The following CHRM3 variants were observed in gnomAD, a reference collection of about 807,000 sequenced individuals.
CHRM3 encodes the protein cholinergic receptor muscarinic 3, also known as muscarinic acetylcholine receptor M3.
In CHRM3, 11 loss-of-function variants were observed where a neutral mutation model predicts 41.8. That is an observed-to-expected ratio of 0.26 (90% CI 0.17 to 0.44). The LOEUF (loss-of-function observed/expected upper bound fraction) is 0.44, where lower values mean the gene tolerates loss of function less well. Ranked by LOEUF, CHRM3 falls within the 20% of genes least tolerant of loss-of-function variation. CHRM3 has a pLI of 1.00. For synonymous variants in CHRM3, 297 were observed against 301.4 expected (o/e 0.99, Z 0.15); for missense variants, 571 against 745.4 (o/e 0.77, Z 2.72).
At chr1:239,409,748 C>T (rs1660921861) in intron 1 of CHRM3, among the ~76,000 whole-genome samples, 2 of 152,158 alleles carry the variant, frequency 1.3e-5, no homozygotes, top group Non-Finnish European at 2.9e-5. Context: ...CGAGACCTTC[C>T]TGGCTAACAT....
intron 5 of CHRM3, among the ~76,000 whole-genome samples, chr1:239,817,749 T>C (rs985499897): frequency 9.9e-5 from 15 of 151,968 alleles, no homozygotes; most frequent in African/African-American, 3.4e-4. Flanking sequence ...TAGAAAGAAA[T>C]CTTCCTTGGC....
At chr1:239,755,763 T>C (rs1666190611) in intron 5 of CHRM3, among the ~76,000 whole-genome samples, 1 of 152,138 alleles carries the variant, frequency 6.6e-6, no homozygotes, top group Non-Finnish European at 1.5e-5. Flanking sequence ...ATAACCATAC[T>C]GGAGCAAGCC....
At chr1:239,744,650 G>A (rs1381145847) in intron 5 of CHRM3, among the ~76,000 whole-genome samples, 1 of 152,136 alleles carries the variant, frequency 6.6e-6, no homozygotes, top group African/African-American at 2.4e-5. Context: ...AGGTTGGGAG[G>A]GAAAGGTATA....
intron 4 of CHRM3, among the ~76,000 whole-genome samples, chr1:239,651,752 A>C (rs1672255912): frequency 6.6e-6 from 1 of 152,162 alleles, no homozygotes; most frequent in Non-Finnish European, 1.5e-5. Flanking sequence ...TAAAAAGAAA[A>C]AGAGACAAGT....
chr1:239,653,540 AGGT>A lies in CHRM3; in HGVS notation c.-250+21258_-250+21260del, dbSNP rs528962155. Among the ~76,000 whole-genome samples the A allele has an allele frequency of 2.2e-3, 328 of 152,298 alleles. 1 individual carries two copies. Among genetic ancestry groups the A allele is most frequent in the African/African-American group, 7.5e-3 (313 of 41,570 alleles). On this transcript the variant is annotated intron_variant, in intron 4 of 6. Transcript: ENST00000676153. ...CTGGTTGCAGATGGGAAGGAGGGGA[AGGT>A]GGTCGTCTCTTCAGATACAGAAGCC...
At chr1:239,755,932 A>G (rs958903204) in intron 5 of CHRM3, among the ~76,000 whole-genome samples, 2 of 152,246 alleles carry the variant, frequency 1.3e-5, no homozygotes, top group African/African-American at 4.8e-5. Context: ...CAAAGAAAAA[A>G]ATCACTTTTT....
intron 3 of CHRM3, among the ~76,000 whole-genome samples, chr1:239,630,363 A>C (rs1444512333): frequency 6.6e-6 from 1 of 152,164 alleles, no homozygotes; most frequent in Non-Finnish European, 1.5e-5. Context: ...TTAATGATAA[A>C]ATCTACTGTA....
intron 2 of CHRM3, among the ~76,000 whole-genome samples, chr1:239,510,186 A>T (rs886864167): frequency 1.3e-5 from 2 of 152,232 alleles, no homozygotes; most frequent in African/African-American, 2.4e-5. Context: ...GACATTTAAG[A>T]TTGATTCTCC....
chr1:239,404,757 T>TATAC, intron 1 of CHRM3, among the ~76,000 whole-genome samples: 1 of 131,038 alleles, frequency 7.6e-6, no homozygotes, highest in South Asian at 2.5e-4. Flanking sequence ...TATATATATA[T>TATAC]GGAAAATATG....
intron 5 of CHRM3, among the ~76,000 whole-genome samples, chr1:239,767,859 A>ATG (rs1378443188): frequency 6.6e-6 from 1 of 151,886 alleles, no homozygotes; most frequent in African/African-American, 2.4e-5. Context: ...TTCTGCAGTG[A>ATG]TGTGTGTGTG....
intron 1 of CHRM3, among the ~76,000 whole-genome samples, chr1:239,429,876 C>T: frequency 6.8e-6 from 1 of 148,024 alleles, no homozygotes. Flanking sequence ...CGTCTTTATG[C>T]TTGTTAAATT....
chr1:239,554,988 A>G (rs1280697741), intron 3 of CHRM3, among the ~76,000 whole-genome samples: 1 of 152,132 alleles, frequency 6.6e-6, no homozygotes, highest in Non-Finnish European at 1.5e-5. Flanking sequence ...TTGGCCTCCC[A>G]AGGTGCTGGG....
rs1002620197 is a variant in CHRM3 at position 239,466,210 on chromosome 1, G to T, written c.-520-26499G>T. ...AGGTTTCACCATGTTGGCCAGGGTG[G>T]CCTTGAACTCCTGACCTCAGGTGAT... On this transcript the variant is annotated intron_variant, in intron 1 of 6. Coordinates refer to ENST00000676153, the MANE Select transcript of CHRM3 (RefSeq NM_001375978.1). 3.9e-5 allele frequency among the ~76,000 whole-genome samples: 6 copies of T among 152,224 alleles called. No individual in the cohort carries two copies. The East Asian group carries it at 1.2e-3, about 30-fold the overall frequency.
chr1:239,404,410 A>AAGAAAGAAAGAAAGAAAGAAAGAGAGAG (rs1210507333), intron 1 of CHRM3, among the ~76,000 whole-genome samples: 1 of 51,754 alleles, frequency 1.9e-5, no homozygotes, highest in Non-Finnish European at 4.1e-5. Context: ...GAAAGAAAGA[A>AAGAAAGAAAGAAAGAAAGAAAGAGAGAG]AAAGAAAGAA....
intron 4 of CHRM3, among the ~76,000 whole-genome samples, chr1:239,647,402 C>A (rs1671833503): frequency 6.6e-6 from 1 of 152,090 alleles, no homozygotes; most frequent in Non-Finnish European, 1.5e-5. Flanking sequence ...TTCGAAGGAA[C>A]CTCTCTTTTC....
intron 1 of CHRM3, among the ~76,000 whole-genome samples, chr1:239,440,368 A>G (rs959305284): frequency 6.6e-6 from 1 of 152,192 alleles, no homozygotes; most frequent in Non-Finnish European, 1.5e-5. Context: ...CATGCCTATA[A>G]TCCCAGCCCT....
chr1:239,561,233 G>A (rs1029017199), intron 3 of CHRM3, among the ~76,000 whole-genome samples: 1 of 152,180 alleles, frequency 6.6e-6, no homozygotes, highest in Admixed American at 6.5e-5. Context: ...TGACATTAAC[G>A]TAACATAACA....
chr1:239,706,031 T>C (rs951724204), intron 5 of CHRM3, among the ~76,000 whole-genome samples: 7 of 150,270 alleles, frequency 4.7e-5, no homozygotes, highest in South Asian at 2.1e-4. Context: ...TTATCATTTA[T>C]TTAGATTATT....
At chr1:239,729,972 A>G (rs1331012235) in intron 5 of CHRM3, among the ~76,000 whole-genome samples, 10 of 151,958 alleles carry the variant, frequency 6.6e-5, no homozygotes, top group Non-Finnish European at 2.9e-5. Flanking sequence ...AATTTTCTTC[A>G]TTTGTATCAA....
Sources: gnomAD v4.1 joint callset for allele counts (sites outside exome capture counted in the v4.1 genomes callset) on GRCh38, gnomAD v4.1.1 for gene constraint, MANE v1.5 for transcripts, NCBI Gene and HGNC (gene_info 2026-07-23, HGNC 2026-07-21) for gene names.